MDGA2: variants seen among roughly 807,000 people sequenced by gnomAD.
MDGA2 encodes the protein MAM domain-containing glycosylphosphatidylinositol anchor protein 2.
MDGA2 carries 40 observed loss-of-function variants against 117.8 expected under a neutral mutation model. The ratio of observed to expected loss-of-function variants is 0.34; its 90% CI spans 0.26 to 0.44. MDGA2 has a LOEUF of 0.44. Ranked by LOEUF, MDGA2 falls within the 20% of genes least tolerant of loss-of-function variation. The pLI, the probability that MDGA2 is intolerant of heterozygous loss-of-function variation, is 1.00. For synonymous variants in MDGA2, 452 were observed against 439.0 expected (o/e 1.03, Z -0.37); for missense variants, 1,123 against 1,250.6 (o/e 0.90, Z 1.54).
chr14:47,353,687 A>C (rs554657498), intron 1 of MDGA2, among the ~76,000 whole-genome samples: 2 of 152,318 alleles, frequency 1.3e-5, no homozygotes, highest in Admixed American at 1.3e-4. Context: ...GCAACAAAGA[A>C]AAGTCCAGAA....
At chr14:47,051,891 C>T (rs183305481) in intron 7 of MDGA2, among the ~76,000 whole-genome samples, 18 of 151,988 alleles carry the variant, frequency 1.2e-4, no homozygotes, top group African/African-American at 3.9e-4. Flanking sequence ...ATCATAACTA[C>T]ATTAGTAGTG....
At chr14:47,395,821 C>T (rs1891995574) in intron 1 of MDGA2, among the ~76,000 whole-genome samples, 2 of 151,940 alleles carry the variant, frequency 1.3e-5, no homozygotes, top group Non-Finnish European at 2.9e-5. Flanking sequence ...AGTATAGTCA[C>T]CATTTTGTTT....
At chr14:46,960,769 T>TTC (rs142777329) in intron 8 of MDGA2, among the ~76,000 whole-genome samples, 17,514 of 150,088 alleles carry the variant, frequency 0.12, 1,960 homozygotes, top group African/African-American at 0.27. Context: ...TATGTAGAAT[T>TTC]TGTGTACATA....
In MDGA2 at chr14:46,889,143, A is replaced by G. The variant is rs574056693; in HGVS notation, c.2239-6922T>C. 5.3e-5 allele frequency among the ~76,000 whole-genome samples: 8 copies of G among 152,170 alleles called. No homozygotes were observed. The East Asian group carries it at 1.5e-3, about 29-fold the overall frequency. ...TTAGGGAAAGGAGATAATAACTAACATGGCGTTAAATGAGTCTTATTTTTA... is the reference window on the plus strand; with the variant it reads ...TTAGGGAAAGGAGATAATAACTAACGTGGCGTTAAATGAGTCTTATTTTTA... On this transcript the variant is annotated intron_variant, in intron 10 of 16. Coordinates refer to ENST00000399232, the MANE Select transcript of MDGA2 (RefSeq NM_001113498.3).
intron 7 of MDGA2, among the ~76,000 whole-genome samples, chr14:47,049,255 T>C (rs1479582349): frequency 6.6e-6 from 1 of 151,994 alleles, no homozygotes; most frequent in Non-Finnish European, 1.5e-5. Context: ...AGCATACAGA[T>C]ACAATTCTTC....
chr14:47,178,090 G>A (rs1001125082), intron 3 of MDGA2, among the ~76,000 whole-genome samples: 1 of 151,970 alleles, frequency 6.6e-6, no homozygotes, highest in Admixed American at 6.6e-5. Context: ...GTTGGGTATT[G>A]TAGATTCATA....
At chr14:47,536,253 T>G (rs1895208363) in intron 1 of MDGA2, among the ~76,000 whole-genome samples, 1 of 152,128 alleles carries the variant, frequency 6.6e-6, no homozygotes, top group Admixed American at 6.5e-5. Context: ...AATTACCAAA[T>G]GAAATATGTA....
chr14:46,989,699 G>C (rs1382964543), intron 8 of MDGA2, among the ~76,000 whole-genome samples: 1 of 151,856 alleles, frequency 6.6e-6, no homozygotes, highest in African/African-American at 2.4e-5. Context: ...TTTTCAGATT[G>C]AACTATATAC....
rs533369732 is a variant in MDGA2, at chr14:46,952,462, T to C, written c.2089+4912A>G. Reference sequence around the variant, plus strand: ...GTTACTTTCTGAAATGATACATCACTTAACCTGAGTGAAATAATTTTCTAG... The same window carrying C: ...GTTACTTTCTGAAATGATACATCACCTAACCTGAGTGAAATAATTTTCTAG... On this transcript the variant is annotated intron_variant, in intron 9 of 16. Coordinates refer to ENST00000399232, the MANE Select transcript of MDGA2 (RefSeq NM_001113498.3). 2.6e-5 allele frequency among the ~76,000 whole-genome samples: 4 copies of C among 152,124 alleles called. No individual in the cohort carries two copies. In the East Asian group the frequency reaches 7.7e-4, roughly 29 times the overall value.
intron 10 of MDGA2, among the ~76,000 whole-genome samples, chr14:46,910,756 A>G (rs941464562): frequency 6.6e-6 from 1 of 152,176 alleles, no homozygotes; most frequent in East Asian, 1.9e-4. Flanking sequence ...GTGCTCACCA[A>G]TGGTAGACTG....
At chr14:47,310,546 T>C (rs1007598714) in intron 1 of MDGA2, among the ~76,000 whole-genome samples, 18 of 152,124 alleles carry the variant, frequency 1.2e-4, no homozygotes, top group African/African-American at 4.3e-4. Context: ...GTAAATATTG[T>C]AGGGAACTAA....
At chr14:47,391,306 T>C (rs7142187) in intron 1 of MDGA2, among the ~76,000 whole-genome samples, 109,921 of 152,118 alleles carry the variant, frequency 0.72, 39,997 homozygotes, top group Middle Eastern at 0.82. Context: ...CTCCAGAATT[T>C]CTGCTCATGT....
chr14:46,910,686 CA>C (rs1257210720), intron 10 of MDGA2, among the ~76,000 whole-genome samples: 1 of 152,130 alleles, frequency 6.6e-6, no homozygotes, highest in Non-Finnish European at 1.5e-5. Flanking sequence ...GGAAGGAAGT[CA>C]AACTGTCAGA....
At chr14:47,552,292 T>A (rs1377244415) in intron 1 of MDGA2, among the ~76,000 whole-genome samples, 1 of 152,186 alleles carries the variant, frequency 6.6e-6, no homozygotes, top group Non-Finnish European at 1.5e-5. Context: ...TTCTTCTGAA[T>A]TCCAGACCTG....
chr14:47,411,429 A>AT (rs1892370367), intron 1 of MDGA2, among the ~76,000 whole-genome samples: 2 of 152,174 alleles, frequency 1.3e-5, no homozygotes, highest in Non-Finnish European at 2.9e-5. Flanking sequence ...AACTAAGGCC[A>AT]TTTATGTCAC....
intron 1 of MDGA2, among the ~76,000 whole-genome samples, chr14:47,475,090 A>G (rs975104771): frequency 6.6e-6 from 1 of 152,214 alleles, no homozygotes; most frequent in African/African-American, 2.4e-5. Flanking sequence ...TCTATCTGAC[A>G]AAGGTTTAAT....
At chr14:47,355,868 C>T (rs1291914966) in intron 1 of MDGA2, among the ~76,000 whole-genome samples, 1 of 152,164 alleles carries the variant, frequency 6.6e-6, no homozygotes, top group Non-Finnish European at 1.5e-5. Context: ...AGATGCTTCT[C>T]TTTTGACAGT....
intron 8 of MDGA2, among the ~76,000 whole-genome samples, chr14:46,959,913 C>G (rs1566546135): frequency 6.6e-6 from 1 of 152,050 alleles, no homozygotes; most frequent in Non-Finnish European, 1.5e-5. Flanking sequence ...TTTCAATCCT[C>G]TTTTTTTAAT....
intron 1 of MDGA2, among the ~76,000 whole-genome samples, chr14:47,544,843 A>C (rs1435575516): frequency 1.3e-5 from 2 of 152,170 alleles, no homozygotes; most frequent in South Asian, 2.1e-4. Context: ...CCAATATGAA[A>C]TAGCTTATTC....
Sources: gnomAD v4.1 joint callset for allele counts (sites outside exome capture counted in the v4.1 genomes callset) on GRCh38, gnomAD v4.1.1 for gene constraint, MANE v1.5 for transcripts, NCBI Gene and HGNC (gene_info 2026-07-23, HGNC 2026-07-21) for gene names.